SUSD4: variants seen among roughly 807,000 people sequenced by gnomAD.
SUSD4 encodes sushi domain-containing protein 4.
In SUSD4, 41 loss-of-function variants were observed where a neutral mutation model predicts 50.5. The ratio of observed to expected loss-of-function variants is 0.81; its 90% CI spans 0.63 to 1.05. SUSD4 has a LOEUF of 1.05. Among genes scored for constraint, SUSD4 ranks in the 50% least tolerant of loss-of-function variants. The pLI is 0.00. For missense variants in SUSD4, 580 were observed against 634.7 expected, an observed-to-expected ratio of 0.91 and a Z score of 0.93; for synonymous variants, 257 against 257.3, an observed-to-expected ratio of 1.00 and a Z score of 0.01.
chr1:223,281,767 C>T (rs1663751851), intron 3 of SUSD4, among the ~76,000 whole-genome samples: 1 of 152,244 alleles, frequency 6.6e-6, no homozygotes, highest in South Asian at 2.1e-4. Flanking sequence ...ATACCAAAGC[C>T]TGGCAGAGAC....
chr1:223,314,344 G>A (rs17163789), intron 2 of SUSD4, among the ~76,000 whole-genome samples: 6 of 151,910 alleles, frequency 3.9e-5, no homozygotes, highest in Non-Finnish European at 7.4e-5. Flanking sequence ...TGACCTCAGC[G>A]GGGTGGCGGA....
chr1:223,237,117 T>C (rs1344551872), intron 5 of SUSD4, among the ~76,000 whole-genome samples: 1 of 152,076 alleles, frequency 6.6e-6, no homozygotes, highest in Non-Finnish European at 1.5e-5. Flanking sequence ...CTAATGTAAA[T>C]CGTATTGTGT....
chr1:223,277,698 C>A (rs149322498), intron 3 of SUSD4, among the ~76,000 whole-genome samples: 34 of 152,302 alleles, frequency 2.2e-4, no homozygotes, highest in African/African-American at 7.2e-4. Context: ...GAGCACTGGA[C>A]AAGGAGTCAA....
chr1:223,263,172 T>C (rs541304475), intron 5 of SUSD4, among the ~76,000 whole-genome samples: 16 of 152,256 alleles, frequency 1.1e-4, no homozygotes, highest in African/African-American at 3.9e-4. Flanking sequence ...GTTATCTGAG[T>C]AGGGAGAAGC....
intron 2 of SUSD4, among the ~76,000 whole-genome samples, chr1:223,358,379 A>T (rs774806212): frequency 4.6e-5 from 7 of 152,228 alleles, no homozygotes; most frequent in Non-Finnish European, 8.8e-5. Context: ...AGGGGAAGTC[A>T]CACCACTTGA....
rs138996427 is a variant in SUSD4 at position 223,221,228 on chromosome 1, C to T, written c.*964G>A. On this transcript the variant is annotated 3_prime_UTR_variant, in exon 9 of 9. Transcript: ENST00000366878. ...TGAAGGTCGGATATGTTTACAGAAACAATTTCTGTTTTGGAAAATAAATGT... is the reference window on the plus strand; with the variant it reads ...TGAAGGTCGGATATGTTTACAGAAATAATTTCTGTTTTGGAAAATAAATGT... 3.3e-5 allele frequency: 13 copies of T among 398,882 alleles called. No individual in the cohort carries two copies. Among genetic ancestry groups the T allele is most frequent in the African/African-American group, 1.6e-4 (8 of 48,794 alleles). 24.7% of individuals were successfully genotyped at this position (398,882 alleles called of 1,614,324 possible). A position where few individuals can be genotyped will look rare whatever the true frequency, so the allele number is the denominator to read the frequency against.
At chr1:223,296,117 G>A (rs1338802208) in intron 2 of SUSD4, among the ~76,000 whole-genome samples, 1 of 152,104 alleles carries the variant, frequency 6.6e-6, no homozygotes, top group African/African-American at 2.4e-5. Flanking sequence ...CTGAGGGCAG[G>A]CATTTGAGAA....
chr1:223,286,402 A>G (rs1291025399), intron 3 of SUSD4, among the ~76,000 whole-genome samples: 1 of 152,208 alleles, frequency 6.6e-6, no homozygotes, highest in Non-Finnish European at 1.5e-5. Flanking sequence ...GGCGCGAGCC[A>G]CCGCACCTGG....
At chr1:223,349,116 G>A (rs1668207825) in intron 2 of SUSD4, among the ~76,000 whole-genome samples, 1 of 152,090 alleles carries the variant, frequency 6.6e-6, no homozygotes, top group Non-Finnish European at 1.5e-5. Flanking sequence ...CTGTTAGAAT[G>A]GCACCAGCAC....
intron 2 of SUSD4, among the ~76,000 whole-genome samples, chr1:223,295,414 C>T (rs533740867): frequency 3.3e-5 from 5 of 152,250 alleles, no homozygotes; most frequent in Admixed American, 2.0e-4. Context: ...CAAATAGAAC[C>T]AGTGTCAGCT....
chr1:223,297,634 C>T (rs1327458075), intron 2 of SUSD4, among the ~76,000 whole-genome samples: 1 of 152,202 alleles, frequency 6.6e-6, no homozygotes, highest in Admixed American at 6.5e-5. Context: ...AGAGAGCCTT[C>T]CCTCCCCTGC....
chr1:223,282,103 C>G (rs1011611471), intron 3 of SUSD4, among the ~76,000 whole-genome samples: 1 of 152,088 alleles, frequency 6.6e-6, no homozygotes, highest in African/African-American at 2.4e-5. Context: ...ATAATAAGAG[C>G]TATTTATGAC....
chr1:223,289,357 C>T (rs1664337087), intron 3 of SUSD4: 1 of 955,898 alleles, frequency 1.0e-6, no homozygotes, highest in African/African-American at 1.8e-5. Flanking sequence ...TAAATTCAGA[C>T]CTCTATAAAT....
chr1:223,229,178 G>T lies in SUSD4; in HGVS notation c.916+19C>A. On this transcript the variant is annotated intron_variant, in intron 6 of 8. Transcript: ENST00000366878. The surrounding 1 kb of genome is among the most constrained non-coding windows in gnomAD (Gnocchi z 4.7). ...CAAGGAGGGTCCATCTCCTCCAAGG[G>T]TGAGGCCTTCAGTCTTACCTGATTT... is the stretch of plus-strand genomic sequence containing the variant. 3.8e-6 allele frequency: 6 copies of T among 1,586,076 alleles called. No individual in the cohort carries two copies. Among genetic ancestry groups the T allele is most frequent in the Non-Finnish European group, 5.2e-6 (6 of 1,157,494 alleles).
At chr1:223,241,846 C>G (rs947619527) in intron 5 of SUSD4, among the ~76,000 whole-genome samples, 11 of 152,214 alleles carry the variant, frequency 7.2e-5, no homozygotes, top group Admixed American at 6.5e-4. Context: ...GAAAGGAGTG[C>G]CTTTCAGAGT....
chr1:223,239,314 G>T (rs1415115071), intron 5 of SUSD4, among the ~76,000 whole-genome samples: 2 of 152,014 alleles, frequency 1.3e-5, no homozygotes, highest in South Asian at 2.1e-4. Context: ...CTTTTAATCG[G>T]TGCATTTAGA....
intron 2 of SUSD4, among the ~76,000 whole-genome samples, chr1:223,329,902 A>C (rs1028920683): frequency 6.6e-6 from 1 of 152,196 alleles, no homozygotes; most frequent in African/African-American, 2.4e-5. Context: ...GTATAGATGA[A>C]TGGATGGATG....
chr1:223,254,363 G>A lies in SUSD4; in HGVS notation c.724+10267C>T, dbSNP rs142983655. 1.5e-4 allele frequency among the ~76,000 whole-genome samples: 23 copies of A among 152,172 alleles called. No individual in the cohort carries two copies. The East Asian group carries it at 4.3e-3, about 28-fold the overall frequency. ...TCCTCTGACCTCAGTCTAGATCTCT[G>A]CACTTACACGGGATTAAAAAAAAAG... On this transcript the variant is annotated intron_variant, in intron 5 of 8. Transcript: ENST00000366878.
chr1:223,278,462 C>T (rs1185916760), intron 3 of SUSD4, among the ~76,000 whole-genome samples: 4 of 152,152 alleles, frequency 2.6e-5, no homozygotes, highest in African/African-American at 7.2e-5. Context: ...GAGCCTTGCT[C>T]GTTGCTAGCA....
Sources: gnomAD v4.1 joint callset for allele counts (sites outside exome capture counted in the v4.1 genomes callset) on GRCh38, gnomAD v4.1.1 for gene constraint, Gnocchi (gnomAD v3.1) non-coding constraint, MANE v1.5 for transcripts, NCBI Gene and HGNC (gene_info 2026-07-23, HGNC 2026-07-21) for gene names.